GRK5: variants seen among roughly 807,000 people sequenced by gnomAD.
The protein encoded by GRK5 is g protein-coupled receptor kinase GRK5.
GRK5 carries 40 observed loss-of-function variants against 78.4 expected under a neutral mutation model. The ratio of observed to expected loss-of-function variants is 0.51; its 90% CI spans 0.40 to 0.66. GRK5 has a LOEUF of 0.66. Among genes scored for constraint, GRK5 ranks in the 30% least tolerant of loss-of-function variants. GRK5 has a pLI of 0.00. For synonymous variants in GRK5, 289 were observed against 296.8 expected, an observed-to-expected ratio of 0.97 and a Z score of 0.27; for missense variants, 598 against 759.9, an observed-to-expected ratio of 0.79 and a Z score of 2.50.
Position 119,241,219 on chromosome 10 carries a change from T to C in GRK5, c.52+33250T>C, listed in dbSNP as rs1318799302. ...GGTGCCGTCATCTATCCCCGGGGCT[T>C]CTGTGAGAATCAAATGGAGAAGAGC... On this transcript the variant is annotated intron_variant, in intron 1 of 15. Coordinates refer to ENST00000392870, the MANE Select transcript of GRK5 (RefSeq NM_005308.3). Among the ~76,000 whole-genome samples, 3 of 152,208 alleles carry C rather than the reference T, an allele frequency of 2.0e-5. No homozygotes were observed. In the South Asian group the frequency reaches 6.2e-4, roughly 32 times the overall value.
At chr10:119,337,953 A>G (rs1850921464) in intron 2 of GRK5, among the ~76,000 whole-genome samples, 2 of 152,130 alleles carry the variant, frequency 1.3e-5, no homozygotes, top group Admixed American at 1.3e-4. Context: ...GACACCACTC[A>G]TATTGGATTA....
chr10:119,399,863 C>T (rs529805780), intron 4 of GRK5, among the ~76,000 whole-genome samples: 6 of 152,342 alleles, frequency 3.9e-5, no homozygotes, highest in Non-Finnish European at 8.8e-5. Context: ...TGTGGCTTCA[C>T]ACTGGACTGT....
chr10:119,394,737 G>A (rs866391385), intron 3 of GRK5, among the ~76,000 whole-genome samples: 8 of 64,888 alleles, frequency 1.2e-4, no homozygotes, highest in African/African-American at 3.3e-4. Context: ...GTATGTTTGG[G>A]TGTGTGTGTG....
intron 4 of GRK5, among the ~76,000 whole-genome samples, chr10:119,397,515 A>AG (rs1852075575): frequency 6.6e-6 from 1 of 152,132 alleles, no homozygotes; most frequent in Non-Finnish European, 1.5e-5. Flanking sequence ...AGGTGTTGAG[A>AG]GCCTGAGATG....
Position 119,264,956 on chromosome 10 carries a change from A to G in GRK5, c.52+56987A>G, listed in dbSNP as rs1336998663. 1.3e-5 allele frequency among the ~76,000 whole-genome samples: 2 copies of G among 152,226 alleles called. No homozygotes were observed. Among genetic ancestry groups the G allele is most frequent in the Admixed American group, 1.3e-4 (2 of 15,286 alleles). The stretch of plus-strand genomic sequence containing the variant: ...CTGGGAGCTCAGTGTCCTGTTGGGA[A>G]GGCCGACTCAGAGACAGCTTTCATT... On this transcript the variant is annotated intron_variant, in intron 1 of 15. Coordinates refer to ENST00000392870, the MANE Select transcript of GRK5 (RefSeq NM_005308.3). The surrounding 1 kb of genome is among the most constrained non-coding windows in gnomAD (Gnocchi z 4.1).
chr10:119,324,320 A>G (rs1850638018), intron 1 of GRK5, among the ~76,000 whole-genome samples: 1 of 152,206 alleles, frequency 6.6e-6, no homozygotes. Flanking sequence ...CTCATCTGTC[A>G]ACTGGGTATA....
intron 11 of GRK5, among the ~76,000 whole-genome samples, chr10:119,442,358 G>A (rs1372764578): frequency 6.6e-6 from 1 of 152,228 alleles, no homozygotes; most frequent in Non-Finnish European, 1.5e-5. Flanking sequence ...ACTCTTAGGG[G>A]TCGGGGCCTG....
At chr10:119,275,981 CT>C (rs945372087) in intron 1 of GRK5, among the ~76,000 whole-genome samples, 4 of 152,148 alleles carry the variant, frequency 2.6e-5, no homozygotes, top group Admixed American at 6.6e-5. Flanking sequence ...GAGAATCCCC[CT>C]CATTTGGGTT....
At chr10:119,277,843 G>A (rs902729409) in intron 1 of GRK5, among the ~76,000 whole-genome samples, 5 of 152,152 alleles carry the variant, frequency 3.3e-5, no homozygotes, top group Admixed American at 1.3e-4. Context: ...GAATCATATA[G>A]CAAGTACCCT....
intron 2 of GRK5, among the ~76,000 whole-genome samples, chr10:119,338,146 A>G (rs1057399874): frequency 6.6e-6 from 1 of 152,214 alleles, no homozygotes; most frequent in Non-Finnish European, 1.5e-5. Flanking sequence ...TAGAGGGGTC[A>G]GGGATCCTGA....
At chr10:119,274,241 A>T (rs1238745364) in intron 1 of GRK5, among the ~76,000 whole-genome samples, 1 of 152,144 alleles carries the variant, frequency 6.6e-6, no homozygotes, top group Admixed American at 6.5e-5. Flanking sequence ...ACCCGGTGAC[A>T]TGGGAGACTG....
intron 2 of GRK5, among the ~76,000 whole-genome samples, chr10:119,373,938 A>G (rs1425820622): frequency 3.3e-5 from 5 of 152,224 alleles, no homozygotes; most frequent in East Asian, 1.9e-4. Flanking sequence ...GAAAGAGACC[A>G]TATGGCCCTC....
intron 2 of GRK5, among the ~76,000 whole-genome samples, chr10:119,366,944 C>T (rs1367369561): frequency 6.6e-6 from 1 of 152,196 alleles, no homozygotes; most frequent in African/African-American, 2.4e-5. Context: ...ATTTCCTTCT[C>T]AGTGTCTCGA....
At chr10:119,347,484 CGT>C (rs1851116896) in intron 2 of GRK5, among the ~76,000 whole-genome samples, 1 of 152,038 alleles carries the variant, frequency 6.6e-6, no homozygotes, top group African/African-American at 2.4e-5. Flanking sequence ...TGCACGTGCA[CGT>C]GTGTGTGTGC....
intron 1 of GRK5, among the ~76,000 whole-genome samples, chr10:119,265,668 G>C (rs1849483421): frequency 6.6e-6 from 1 of 152,222 alleles, no homozygotes; most frequent in Non-Finnish European, 1.5e-5. Context: ...GAGCTGATCA[G>C]TACAGTCGGA....
chr10:119,374,849 A>T (rs181683045), intron 2 of GRK5, among the ~76,000 whole-genome samples: 16 of 152,182 alleles, frequency 1.1e-4, no homozygotes, highest in South Asian at 8.3e-4. Context: ...TCCTCTGGCC[A>T]TGTGACATGC....
chr10:119,377,229 C>T (rs529019982), intron 2 of GRK5, among the ~76,000 whole-genome samples: 4 of 152,318 alleles, frequency 2.6e-5, no homozygotes, highest in Non-Finnish European at 4.4e-5. Flanking sequence ...CGAAAGGGTC[C>T]ACTCCAAGCA....
At chr10:119,360,143 T>G (rs1589763521) in intron 2 of GRK5, among the ~76,000 whole-genome samples, 3 of 138,418 alleles carry the variant, frequency 2.2e-5, no homozygotes, top group Non-Finnish European at 3.1e-5. Context: ...GGCTGAAGAG[T>G]CTGAGGGGGT....
At chr10:119,359,318 C>T (rs1466467937) in intron 2 of GRK5, among the ~76,000 whole-genome samples, 1 of 152,212 alleles carries the variant, frequency 6.6e-6, no homozygotes, top group Non-Finnish European at 1.5e-5. Flanking sequence ...TAATCCACAC[C>T]AGTAACTCAG....
Sources: allele counts gnomAD v4.1 joint callset (sites outside exome capture counted in the v4.1 genomes callset), GRCh38; gene constraint gnomAD v4.1.1; non-coding constraint Gnocchi (gnomAD v3.1); transcripts MANE v1.5; gene names NCBI Gene and HGNC (gene_info 2026-07-23, HGNC 2026-07-21).